Variants in PTPRO observed in about 807,000 individuals in gnomAD.
PTPRO encodes the protein receptor-type tyrosine-protein phosphatase O.
A neutral mutation model predicts 145.2 loss-of-function variants in PTPRO; 62 were observed. The ratio of observed to expected loss-of-function variants is 0.43; its 90% CI spans 0.35 to 0.53. The LOEUF (loss-of-function observed/expected upper bound fraction) is 0.53. Among genes scored for constraint, PTPRO ranks in the 20% least tolerant of loss-of-function variants. The pLI is 0.01. For missense variants in PTPRO, 1,345 were observed against 1,482.7 expected, an observed-to-expected ratio of 0.91 and a Z score of 1.53; for synonymous variants, 565 against 514.7, an observed-to-expected ratio of 1.10 and a Z score of -1.32.
intron 4 of PTPRO, 71 bp from the exon 5 acceptor site, chr12:15,501,549 C>T: frequency 7.3e-7 from 1 of 1,370,174 alleles, no homozygotes; most frequent in Non-Finnish European, 1.0e-6. Context: ...GTACCTGACT[C>T]ATTAAGAGAT....
chr12:15,411,039 T>C (rs988158484), intron 1 of PTPRO, among the ~76,000 whole-genome samples: 1 of 152,202 alleles, frequency 6.6e-6, no homozygotes, highest in South Asian at 2.1e-4. Context: ...CTATGAGAAG[T>C]ATGAAGTTGA....
At chr12:15,554,414 G>A (rs889034976) in intron 15 of PTPRO, among the ~76,000 whole-genome samples, 35 of 149,350 alleles carry the variant, frequency 2.3e-4, no homozygotes, top group African/African-American at 7.3e-4. Flanking sequence ...GTGTGTGTGT[G>A]TATATATATA....
At chr12:15,381,307 A>C (rs1938854713) in intron 1 of PTPRO, among the ~76,000 whole-genome samples, 1 of 152,206 alleles carries the variant, frequency 6.6e-6, no homozygotes, top group African/African-American at 2.4e-5. Context: ...AATTCTTGCT[A>C]TTAAGCATTG....
chr12:15,385,244 A>G (rs965911897), intron 1 of PTPRO, among the ~76,000 whole-genome samples: 7 of 152,180 alleles, frequency 4.6e-5, no homozygotes, highest in African/African-American at 1.7e-4. Flanking sequence ...AAAATGAATG[A>G]ATGAGCTGAA....
At chr12:15,442,216 G>T (rs1940787634) in intron 1 of PTPRO, among the ~76,000 whole-genome samples, 1 of 152,000 alleles carries the variant, frequency 6.6e-6, no homozygotes. Flanking sequence ...CAATAAATGT[G>T]ACTCACCACA....
chr12:15,398,058 C>T (rs1012419193), intron 1 of PTPRO, among the ~76,000 whole-genome samples: 8 of 152,144 alleles, frequency 5.3e-5, no homozygotes, highest in Admixed American at 4.6e-4. Flanking sequence ...TTAATTGTTG[C>T]TCCCAACACA....
chr12:15,549,921 T>C (rs1943408367), intron 14 of PTPRO, among the ~76,000 whole-genome samples: 2 of 152,338 alleles, frequency 1.3e-5, no homozygotes, highest in East Asian at 3.9e-4. Context: ...TTTTTTCTTT[T>C]TCTTTTTGGT....
rs76233597 is a variant in PTPRO, at chr12:15,546,564, C to A, written c.2165-5C>A. ...AATTTTTTTTAAAACTTTGTCTTTG[C>A]TCAGAACCAGCTCCACCCAAATCAC... is the stretch of plus-strand genomic sequence containing the variant. On this transcript the variant is annotated splice_region_variant and splice_polypyrimidine_tract_variant and intron_variant, in intron 12 of 26. Coordinates refer to ENST00000281171, the MANE Select transcript of PTPRO (RefSeq NM_030667.3). The A allele has an allele frequency of 0.029, 45,739 of 1,595,860 alleles. 797 individuals carry two copies. The highest frequency in any genetic ancestry group is 0.036 in the Middle Eastern group (220 of 6,048).
chr12:15,556,969 T>G (rs751155737), intron 15 of PTPRO, among the ~76,000 whole-genome samples: 2 of 152,158 alleles, frequency 1.3e-5, no homozygotes, highest in Non-Finnish European at 2.9e-5. Flanking sequence ...TCGTTTTAGC[T>G]TTCTGTTTTG....
chr12:15,580,064 C>T lies in PTPRO; in HGVS notation c.2946C>T (p.Val982=), dbSNP rs1439965063. 1.9e-6 allele frequency: 3 copies of T among 1,612,950 alleles called. No homozygotes were observed. The highest frequency in any genetic ancestry group is 4.5e-5 in the East Asian group (2 of 44,844). ...ATGACTTCAGCCGTGTGAGATTAGTCTCCATGAATGAAGAGGAAGGTGCAG... is the reference window on the plus strand; with the variant it reads ...ATGACTTCAGCCGTGTGAGATTAGTTTCCATGAATGAAGAGGAAGGTGCAG... ...LPYDFSRVRL[V]SMNEEEGADY... Residue 982 remains valine, a synonymous_variant, in exon 21 of 27, where the codon GTC becomes GTT. Coordinates refer to ENST00000281171, the MANE Select transcript of PTPRO (RefSeq NM_030667.3).
chr12:15,368,620 C>T (rs1312059131), intron 1 of PTPRO, among the ~76,000 whole-genome samples: 2 of 152,066 alleles, frequency 1.3e-5, no homozygotes, highest in African/African-American at 4.8e-5. Context: ...GGAATGAATC[C>T]ATGTTAAGAA....
intron 2 of PTPRO, among the ~76,000 whole-genome samples, chr12:15,486,261 G>T (rs2136443069): frequency 6.6e-6 from 1 of 152,266 alleles, no homozygotes; most frequent in Admixed American, 6.5e-5. Flanking sequence ...ATGTCTTCTT[G>T]ATAAACTGAC....
chr12:15,483,555 T>A lies in PTPRO; in HGVS notation c.76-419T>A, dbSNP rs182963126. On this transcript the variant is annotated intron_variant, in intron 1 of 26. Transcript: ENST00000281171. ...CCTTGATATATTCTGCTAGCATCACTCCCTCTAAAGTAAAAAGAGTACTTC... is the reference window on the plus strand; with the variant it reads ...CCTTGATATATTCTGCTAGCATCACACCCTCTAAAGTAAAAAGAGTACTTC... 5.5e-4 allele frequency among the ~76,000 whole-genome samples: 83 copies of A among 152,224 alleles called. 1 individual carries two copies. The highest frequency in any genetic ancestry group is 1.8e-4 in the Non-Finnish European group (12 of 67,970).
chr12:15,451,224 T>TA lies in PTPRO; in HGVS notation c.76-32742dup, dbSNP rs527999411. On this transcript the variant is annotated intron_variant, in intron 1 of 26. Coordinates refer to ENST00000281171, the MANE Select transcript of PTPRO (RefSeq NM_030667.3). ...AAAGCAAACTTTAAAGCAACAATGT[T>TA]AAAAAAAATAAAGAGAAACATTATA... Among the ~76,000 whole-genome samples the TA allele has an allele frequency of 2.4e-3, 359 of 151,556 alleles. 1 individual carries two copies. Among genetic ancestry groups the TA allele is most frequent in the African/African-American group, 8.1e-3 (336 of 41,310 alleles).
At chr12:15,574,376 A>C (rs1459093875) in intron 19 of PTPRO, among the ~76,000 whole-genome samples, 1 of 152,208 alleles carries the variant, frequency 6.6e-6, no homozygotes, top group African/African-American at 2.4e-5. Flanking sequence ...TATAGCTGAA[A>C]TGTGAGAGCC....
At chr12:15,570,781 G>A (rs1565436744) in intron 19 of PTPRO, among the ~76,000 whole-genome samples, 3 of 152,070 alleles carry the variant, frequency 2.0e-5, no homozygotes, top group Non-Finnish European at 4.4e-5. Context: ...TAGAAATTAT[G>A]GTATAGCTAC....
rs948902369 is a variant in PTPRO, at chr12:15,322,526, G to C, written c.-201G>C. 1.6e-6 allele frequency: 1 copy of C among 639,058 alleles called. No homozygotes were observed. The highest frequency in any genetic ancestry group is 1.8e-5 in the African/African-American group (1 of 54,544). 39.6% of individuals were successfully genotyped at this position (639,058 alleles called of 1,614,324 possible). A position where few individuals can be genotyped will look rare whatever the true frequency, so the allele number is the denominator to read the frequency against. ...CATCCTTAGTCATTAAAGAACAGCA[G>C]CGCCTGGCACGTTCTTGGAGGACCC... is the stretch of plus-strand genomic sequence containing the variant. On this transcript the variant is annotated 5_prime_UTR_variant, in exon 1 of 27. Coordinates refer to ENST00000281171, the MANE Select transcript of PTPRO (RefSeq NM_030667.3). The surrounding 1 kb of genome is among the most constrained non-coding windows in gnomAD (Gnocchi z 6.3).
At chr12:15,364,116 A>G (rs1205941785) in intron 1 of PTPRO, among the ~76,000 whole-genome samples, 1 of 152,206 alleles carries the variant, frequency 6.6e-6, no homozygotes, top group African/African-American at 2.4e-5. Flanking sequence ...AATAGGACCT[A>G]TGTAAAAATC....
chr12:15,331,337 T>C (rs1866602656), intron 1 of PTPRO, among the ~76,000 whole-genome samples: 1 of 152,048 alleles, frequency 6.6e-6, no homozygotes, highest in Non-Finnish European at 1.5e-5. Context: ...TATAAATGCT[T>C]CCGGGAATTG....
Sources: allele counts gnomAD v4.1 joint callset (sites outside exome capture counted in the v4.1 genomes callset), GRCh38; gene constraint gnomAD v4.1.1; non-coding constraint Gnocchi (gnomAD v3.1); transcripts MANE v1.5; gene names NCBI Gene and HGNC (gene_info 2026-07-23, HGNC 2026-07-21).